The following RNF150 variants were observed in gnomAD, a reference collection of about 807,000 sequenced individuals.
RNF150 encodes ring finger protein 150.
Under a neutral mutation model 39.3 loss-of-function variants are expected in RNF150, and 24 were observed. That is an observed-to-expected ratio of 0.61 (90% CI 0.44 to 0.86). RNF150 has a LOEUF of 0.86. Among genes scored for constraint, RNF150 ranks in the 40% least tolerant of loss-of-function variants. RNF150 has a pLI of 0.00. For missense variants in RNF150, 502 were observed against 587.8 expected (o/e 0.85, Z 1.51); for synonymous variants, 255 against 227.3 (o/e 1.12, Z -1.10).
chr4:141,034,819 T>A (rs1340450107), intron 1 of RNF150, among the ~76,000 whole-genome samples: 4 of 152,122 alleles, frequency 2.6e-5, no homozygotes, highest in African/African-American at 9.7e-5. Flanking sequence ...GGGCATGGTT[T>A]GCAGCACCCC....
chr4:141,003,766 T>C (rs1024674409), intron 1 of RNF150, among the ~76,000 whole-genome samples: 2 of 152,146 alleles, frequency 1.3e-5, no homozygotes, highest in African/African-American at 4.8e-5. Flanking sequence ...CTACAGATGA[T>C]AGAAGTTAAG....
chr4:140,988,837 G>C (rs895145982), intron 1 of RNF150, among the ~76,000 whole-genome samples: 1 of 152,068 alleles, frequency 6.6e-6, no homozygotes, highest in Non-Finnish European at 1.5e-5. Context: ...AAAATGATGA[G>C]TTCATGTCCT....
At chr4:140,915,910 A>ACCG (rs1236259059) in intron 5 of RNF150, among the ~76,000 whole-genome samples, 2 of 152,166 alleles carry the variant, frequency 1.3e-5, no homozygotes, top group Non-Finnish European at 2.9e-5. Context: ...TTCTGCAGCC[A>ACCG]CCGCTGCTGA....
intron 1 of RNF150, among the ~76,000 whole-genome samples, chr4:141,038,379 G>A (rs1000965450): frequency 2.4e-4 from 36 of 152,184 alleles, no homozygotes; most frequent in African/African-American, 7.5e-4. Context: ...TCTTCTGGGC[G>A]TCGAGTAATA....
chr4:141,199,202 A>C (rs1490464235), intron 1 of RNF150, among the ~76,000 whole-genome samples: 1 of 152,194 alleles, frequency 6.6e-6, no homozygotes, highest in East Asian at 1.9e-4. Context: ...GTCTAAAAAA[A>C]CACAAACCAA....
At chr4:141,146,963 C>CT (rs1365456670) in intron 1 of RNF150, among the ~76,000 whole-genome samples, 1 of 152,014 alleles carries the variant, frequency 6.6e-6, no homozygotes, top group Non-Finnish European at 1.5e-5. Context: ...CTGTGTTTTG[C>CT]TTTTGTTTTT....
chr4:141,203,314 AATCTTGGAGATGATATATATAT>A (rs1337153670), intron 1 of RNF150, among the ~76,000 whole-genome samples: 1 of 149,642 alleles, frequency 6.7e-6, no homozygotes, highest in Non-Finnish European at 1.5e-5. Flanking sequence ...GGAGATATAT[AATCTTGGAGATGATATATATAT>A]ATCTTGGAGA....
chr4:140,969,756 CTTTTTTTTTT>C (rs70946718), intron 1 of RNF150, among the ~76,000 whole-genome samples: 1 of 75,986 alleles, frequency 1.3e-5, no homozygotes, highest in Non-Finnish European at 2.3e-5. Context: ...ACAAGTTTTA[CTTTTTTTTTT>C]TTTTTTTTTT....
upstream of RNF150, among the ~76,000 whole-genome samples, chr4:141,138,145 C>A (rs1258208136): frequency 2.0e-5 from 3 of 152,142 alleles, no homozygotes; most frequent in African/African-American, 7.2e-5. Context: ...GGGAATTCTA[C>A]CTTAGACTTC....
At chr4:140,998,471 C>T (rs144120017) in intron 1 of RNF150, among the ~76,000 whole-genome samples, 48 of 152,292 alleles carry the variant, frequency 3.2e-4, no homozygotes, top group African/African-American at 1.1e-3. Flanking sequence ...GATCTTGGAT[C>T]TCCAGCCTCT....
chr4:141,010,802 G>A (rs1193088693), intron 1 of RNF150, among the ~76,000 whole-genome samples: 1 of 152,108 alleles, frequency 6.6e-6, no homozygotes, highest in Non-Finnish European at 1.5e-5. Flanking sequence ...GGAGGAGGCT[G>A]CCTGGGCCCT....
At chr4:141,192,632 A>G (rs1010992793) in intron 1 of RNF150, among the ~76,000 whole-genome samples, 1 of 152,156 alleles carries the variant, frequency 6.6e-6, no homozygotes, top group Non-Finnish European at 1.5e-5. Context: ...CATGTAGGAG[A>G]GTTCTAAGGT....
At chr4:140,896,711 AACAAACAAAC>A (rs759576466) in intron 6 of RNF150, among the ~76,000 whole-genome samples, 2 of 55,222 alleles carry the variant, frequency 3.6e-5, no homozygotes, top group Admixed American at 2.2e-4. Context: ...CAAAAAAACA[AACAAACAAAC>A]AAAAAAAAAT....
chr4:140,935,629 T>C (rs535874182), intron 4 of RNF150, among the ~76,000 whole-genome samples: 6 of 152,310 alleles, frequency 3.9e-5, no homozygotes, highest in African/African-American at 7.2e-5. Flanking sequence ...TATAATGTTG[T>C]ACACATAAAA....
intron 1 of RNF150, among the ~76,000 whole-genome samples, chr4:140,992,008 A>G (rs1159430244): frequency 6.6e-6 from 1 of 152,216 alleles, no homozygotes; most frequent in Non-Finnish European, 1.5e-5. Flanking sequence ...ATGAGACTTT[A>G]CTAATAATAT....
chr4:140,997,964 T>A (rs1734444127), intron 1 of RNF150, among the ~76,000 whole-genome samples: 1 of 152,178 alleles, frequency 6.6e-6, no homozygotes, highest in Non-Finnish European at 1.5e-5. Flanking sequence ...CATATCATAC[T>A]CATGTATGAC....
At chr4:141,021,871 A>C (rs939894492) in intron 1 of RNF150, among the ~76,000 whole-genome samples, 1 of 152,196 alleles carries the variant, frequency 6.6e-6, no homozygotes, top group Non-Finnish European at 1.5e-5. Context: ...TGTGAGAAAC[A>C]GTGAATCAAA....
chr4:141,180,875 T>A (rs1463966459), intron 1 of RNF150, among the ~76,000 whole-genome samples: 1 of 152,208 alleles, frequency 6.6e-6, no homozygotes, highest in African/African-American at 2.4e-5. Flanking sequence ...TAAATGTAGA[T>A]GTTTACACCA....
At position 140,860,107 on chromosome 4, in the gene RNF150, T is replaced by G. The variant is rs78498185; in HGVS notation, c.*8154A>C. 1 of 151,354 alleles carries G rather than the reference T, an allele frequency of 6.6e-6. No individual in the cohort carries two copies. Among genetic ancestry groups the G allele is most frequent in the African/African-American group, 2.4e-5 (1 of 41,260 alleles). 9.4% of individuals were successfully genotyped at this position (151,354 alleles called of 1,614,324 possible). On this transcript the variant is annotated 3_prime_UTR_variant, in exon 7 of 7. Transcript: ENST00000515673. ...CAAAATAAAAGTCTGTGTCTCCTAA[T>G]AGAAGACAAATTCCTTTAAAGACAG...
Sources: gnomAD v4.1 joint callset for allele counts (sites outside exome capture counted in the v4.1 genomes callset) on GRCh38, gnomAD v4.1.1 for gene constraint, MANE v1.5 for transcripts, NCBI Gene and HGNC (gene_info 2026-07-23, HGNC 2026-07-21) for gene names.